The following BPIFB4 variants were observed in gnomAD, a reference collection of about 807,000 sequenced individuals.
The protein encoded by BPIFB4 is BPI fold containing family B member 4, also known as BPI fold-containing family B member 4.
Under a neutral mutation model 69.2 loss-of-function variants are expected in BPIFB4, and 62 were observed. The ratio of observed to expected loss-of-function variants is 0.90; its 90% CI spans 0.73 to 1.11. The LOEUF (loss-of-function observed/expected upper bound fraction) is 1.11, where lower values mean the gene tolerates loss of function less well. BPIFB4 is among the 50% of genes least tolerant of loss of function. The probability of loss-of-function intolerance (pLI) is 0.00; values close to 1 mark genes in which losing one functional copy is unlikely to be tolerated. For synonymous variants in BPIFB4, 330 were observed against 332.7 expected, an observed-to-expected ratio of 0.99 and a Z score of 0.09; for missense variants, 789 against 792.0, an observed-to-expected ratio of 1.00 and a Z score of 0.04.
At chr20:33,094,746 G>A (rs562552919) in intron 11 of BPIFB4, among the ~76,000 whole-genome samples, 2 of 152,202 alleles carry the variant, frequency 1.3e-5, no homozygotes, top group South Asian at 4.2e-4. Flanking sequence ...GATCTGAAGT[G>A]ATCCACCTGC....
At chr20:33,081,427 C>T (rs1981224601) in intron 2 of BPIFB4, 85 bp from the exon 3 acceptor site, 1 of 1,511,254 alleles carries the variant, frequency 6.6e-7, no homozygotes, top group Non-Finnish European at 8.9e-7. Flanking sequence ...CCTGAGATGA[C>T]TCTTGGCTGG....
At chr20:33,093,063 T>C (rs1981654198) in intron 11 of BPIFB4, among the ~76,000 whole-genome samples, 1 of 152,194 alleles carries the variant, frequency 6.6e-6, no homozygotes, top group African/African-American at 2.4e-5. Flanking sequence ...GCTCCAGTCA[T>C]TTTCTTTCCA....
intron 17 of BPIFB4, among the ~76,000 whole-genome samples, chr20:33,110,748 CG>C (rs1168380476): frequency 2.2e-5 from 3 of 136,702 alleles, no homozygotes; most frequent in African/African-American, 1.0e-4. Flanking sequence ...TAGAGACTCA[CG>C]AATTTTTTTT....
intron 17 of BPIFB4, among the ~76,000 whole-genome samples, chr20:33,108,599 T>C (rs1982145271): frequency 6.6e-6 from 1 of 152,036 alleles, no homozygotes; most frequent in South Asian, 2.1e-4. Context: ...GTTCAAATCC[T>C]AACTCTGCCA....
At position 33,089,554 on chromosome 20, in the gene BPIFB4, G is replaced by A. The variant is rs1179768091; in HGVS notation, c.1047G>A (p.Val349=). The A allele has an allele frequency of 5.0e-6, 8 of 1,614,110 alleles. No homozygotes were observed. The highest frequency in any genetic ancestry group is 1.7e-5 in the Admixed American group (1 of 60,006). Residue 349 remains valine, a synonymous_variant, in exon 9 of 18, where the codon GTG becomes GTA. Coordinates refer to ENST00000375483, the MANE Select transcript of BPIFB4 (RefSeq NM_182519.3). ...TTGTCAATGACCAGCTGGGCCTCGT[G>A]GATTGTAAGTCCAATACACTTTCTC... ...LGLVNDQLGL[V]DSLIPLGILG...
Position 33,089,033 on chromosome 20 carries a change from A to T in BPIFB4, c.990+4A>T, listed in dbSNP as rs1339030254. On this transcript the variant is annotated splice_donor_region_variant and intron_variant, in intron 8 of 17. Transcript: ENST00000375483. The stretch of plus-strand genomic sequence containing the variant: ...GGCCGACGTCCTCCCTGACTTGGTA[A>T]GAAGCTGTCCCAGTATGGGAGCAAG... 1 of 1,613,892 alleles carries T rather than the reference A, an allele frequency of 6.2e-7. No individual in the cohort carries two copies. Among genetic ancestry groups the T allele is most frequent in the South Asian group, 1.1e-5 (1 of 91,076 alleles).
chr20:33,090,907 G>C, intron 10 of BPIFB4, 108 bp downstream of exon 10: 4 of 1,315,816 alleles, frequency 3.0e-6, no homozygotes, highest in South Asian at 1.3e-5. Context: ...AGTAACACTT[G>C]ACAGGACCCT....
At chr20:33,098,224 ATAT>A (rs1225769503) in intron 13 of BPIFB4, among the ~76,000 whole-genome samples, 3 of 152,110 alleles carry the variant, frequency 2.0e-5, no homozygotes, top group African/African-American at 7.2e-5. Flanking sequence ...GTGTTAGCTG[ATAT>A]TATTCTCACA....
In BPIFB4 at chr20:33,083,386, C is replaced by T; in HGVS notation, c.189C>T (p.Tyr63=). Residue 63 remains tyrosine (Y), a synonymous_variant, in exon 5 of 18, where the codon TAC becomes TAT. Transcript: ENST00000375483. ...EVPLGVGDIP[Y]NDFHVRGPPP... is the part of the protein sequence containing the mutation. ...CCCGAGGTGTTGGTGATATTCCCTA[C>T]AATGACTTCCATGTCCGAGGACCCC... 1 of 1,613,342 alleles carries T rather than the reference C, an allele frequency of 6.2e-7. No homozygotes were observed.
intron 12 of BPIFB4, 97 bp from the exon 13 acceptor site, chr20:33,097,519 TG>T: frequency 3.0e-6 from 4 of 1,319,402 alleles, no homozygotes; most frequent in Non-Finnish European, 4.2e-6. Context: ...TCAAGCAACA[TG>T]AGACCCCGGT....
chr20:33,111,547 G>A lies in BPIFB4; in HGVS notation c.*110G>A. The A allele has an allele frequency of 7.3e-7, 1 of 1,370,348 alleles. No individual in the cohort carries two copies. Among genetic ancestry groups the A allele is most frequent in the Non-Finnish European group, 1.0e-6 (1 of 977,058 alleles). The allele number at this position is 1,370,348 out of a possible 1,614,324, so 84.9% of individuals were successfully genotyped here. A position where few individuals can be genotyped will look rare whatever the true frequency, so the allele number is the denominator to read the frequency against. ...AGAGTCCCCTCAGCCTCCATGACAGGTCCCTCCCTGGCCCCCCAACCCTCT... is the reference window on the plus strand; with the variant it reads ...AGAGTCCCCTCAGCCTCCATGACAGATCCCTCCCTGGCCCCCCAACCCTCT... On this transcript the variant is annotated 3_prime_UTR_variant, in exon 18 of 18. Coordinates refer to ENST00000375483, the MANE Select transcript of BPIFB4 (RefSeq NM_182519.3).
chr20:33,084,145 CT>C (rs1041077307), intron 5 of BPIFB4, among the ~76,000 whole-genome samples: 6 of 152,200 alleles, frequency 3.9e-5, no homozygotes, highest in African/African-American at 1.4e-4. Flanking sequence ...GTTTCCTCAT[CT>C]GTAGAATGGT....
rs368675417 is a variant in BPIFB4 at position 33,093,800 on chromosome 20, CATCT to C, written c.1344+1146_1344+1149del. Among the ~76,000 whole-genome samples the C allele has an allele frequency of 5.3e-4, 80 of 152,014 alleles. 1 individual carries two copies. The East Asian group carries it at 0.01, about 20-fold the overall frequency. On this transcript the variant is annotated intron_variant, in intron 11 of 17. Transcript: ENST00000375483. ...CTATCCATCCACCCACCCATCCACC[CATCT>C]ATCCACCCATTTATGCATTCCTTCA...
intron 6 of BPIFB4, among the ~76,000 whole-genome samples, chr20:33,085,329 C>T (rs943773184): frequency 6.6e-6 from 1 of 152,186 alleles, no homozygotes; most frequent in East Asian, 1.9e-4. Context: ...GTGGCAGGTG[C>T]CTGTAGTCCC....
chr20:33,089,093 T>A (rs1981521369), intron 8 of BPIFB4, 64 bp downstream of exon 8: 1 of 1,610,574 alleles, frequency 6.2e-7, no homozygotes, highest in African/African-American at 1.3e-5. Flanking sequence ...GGGGCCATAG[T>A]CCAGCCTCCA....
Position 33,109,859 on chromosome 20 carries a change from G to GCC in BPIFB4, c.1822-1554_1822-1553insCC, listed in dbSNP as rs1982185248. Among the ~76,000 whole-genome samples, 12 of 152,250 alleles carry GCC rather than the reference G, an allele frequency of 7.9e-5. No individual in the cohort carries two copies. The South Asian group carries it at 2.3e-3, about 29-fold the overall frequency. On this transcript the variant is annotated intron_variant, in intron 17 of 17. Coordinates refer to ENST00000375483, the MANE Select transcript of BPIFB4 (RefSeq NM_182519.3). ...GGTTTAAAGAAAACCTCAGTCCCAG[G>GCC]CTTGACCCTGTAGGCCCCCTGTAAA...
chr20:33,109,348 C>G (rs142985504), intron 17 of BPIFB4, among the ~76,000 whole-genome samples: 1 of 152,320 alleles, frequency 6.6e-6, no homozygotes, highest in East Asian at 1.9e-4. Context: ...GTGCCCCATA[C>G]ATAGTCTTTC....
intron 16 of BPIFB4, among the ~76,000 whole-genome samples, chr20:33,107,031 C>T (rs1431613271): frequency 8.6e-5 from 13 of 151,962 alleles, no homozygotes. Context: ...TGGTGAAACC[C>T]CATCTCTACT....
Position 33,090,871 on chromosome 20 carries a change from C to G in BPIFB4, c.1143+72C>G, listed in dbSNP as rs1282010545. 4 of 1,569,968 alleles carry G rather than the reference C, an allele frequency of 2.5e-6. No homozygotes were observed. In the African/African-American group the frequency reaches 4.0e-5, roughly 16 times the overall value. On this transcript the variant is annotated intron_variant, in intron 10 of 17. Transcript: ENST00000375483. The stretch of plus-strand genomic sequence containing the variant: ...AGGCAGGAGTATCAGTGAGGCCCTC[C>G]CAGGGCTTCTGCTGAATGCCTGGGA...
Sources: allele counts gnomAD v4.1 joint callset (sites outside exome capture counted in the v4.1 genomes callset), GRCh38; gene constraint gnomAD v4.1.1; transcripts MANE v1.5; gene names NCBI Gene and HGNC (gene_info 2026-07-23, HGNC 2026-07-21).